Variants in RREB1 observed in about 807,000 individuals in gnomAD.
The protein encoded by RREB1 is ras-responsive element-binding protein 1.
A neutral mutation model predicts 117.8 loss-of-function variants in RREB1; 27 were observed. The ratio of observed to expected loss-of-function variants is 0.23; its 90% CI spans 0.17 to 0.32. The LOEUF (loss-of-function observed/expected upper bound fraction) is 0.32, where lower values mean the gene tolerates loss of function less well. RREB1 is among the 10% of genes least tolerant of loss of function. RREB1 has a pLI of 1.00. For missense variants in RREB1, 2,577 were observed against 2,378.2 expected (o/e 1.08, Z -1.74); for synonymous variants, 1,298 against 1,026.7 (o/e 1.26, Z -5.05).
At chr6:7,192,457 T>G (rs2113564121) in intron 6 of RREB1, among the ~76,000 whole-genome samples, 1 of 152,212 alleles carries the variant, frequency 6.6e-6, no homozygotes, top group Non-Finnish European at 1.5e-5. Flanking sequence ...CCTCCCAAAG[T>G]GCTGGGATTA....
chr6:7,224,491 G>A (rs1352870112), intron 8 of RREB1, among the ~76,000 whole-genome samples: 1 of 151,918 alleles, frequency 6.6e-6, no homozygotes, highest in African/African-American at 2.4e-5. Flanking sequence ...CATGGGGAGG[G>A]TGCAATTGAA....
In RREB1 at chr6:7,251,154, T is replaced by G. The variant is rs920201462; in HGVS notation, c.*2186T>G. On this transcript the variant is annotated 3_prime_UTR_variant, in exon 13 of 13. Transcript: ENST00000379938. Reference sequence around the variant, plus strand: ...ATCAGCTCCCAGCGACGTGTGTAGCTGGGGCTGCCGCTCGCAATAATCACT... The same window carrying G: ...ATCAGCTCCCAGCGACGTGTGTAGCGGGGGCTGCCGCTCGCAATAATCACT... 1.3e-5 allele frequency: 2 copies of G among 152,184 alleles called. No homozygotes were observed. The highest frequency in any genetic ancestry group is 1.3e-4 in the Admixed American group (2 of 15,276). 9.4% of individuals were successfully genotyped at this position (152,184 alleles called of 1,614,324 possible).
intron 6 of RREB1, among the ~76,000 whole-genome samples, chr6:7,197,147 AC>A (rs1289757095): frequency 6.6e-6 from 1 of 152,224 alleles, no homozygotes; most frequent in Non-Finnish European, 1.5e-5. Context: ...AAGAAATGAT[AC>A]TTGAAACAGA....
At chr6:7,143,439 G>A (rs1428117135) in intron 1 of RREB1, among the ~76,000 whole-genome samples, 2 of 152,188 alleles carry the variant, frequency 1.3e-5, no homozygotes, top group African/African-American at 2.4e-5. Flanking sequence ...AAACCAAGAA[G>A]GGTGTGGGGA....
chr6:7,243,082 T>C lies in RREB1; in HGVS notation c.3973+2480T>C, dbSNP rs375299894. 2.0e-5 allele frequency among the ~76,000 whole-genome samples: 3 copies of C among 152,306 alleles called. No homozygotes were observed. The East Asian group carries it at 5.8e-4, about 29-fold the overall frequency. ...TGAAAGTGTTTAAGCTCTCCCTTAA[T>C]GGTGGCCGCCTTTACCAGCCCAGAA... On this transcript the variant is annotated intron_variant, in intron 11 of 12. Transcript: ENST00000379938.
chr6:7,137,260 T>C (rs1264486823), intron 1 of RREB1, among the ~76,000 whole-genome samples: 1 of 152,052 alleles, frequency 6.6e-6, no homozygotes, highest in Admixed American at 6.5e-5. Flanking sequence ...GCCTCTCCCT[T>C]CCCCCCTGAG....
chr6:7,119,746 C>T (rs1035215575), intron 1 of RREB1, among the ~76,000 whole-genome samples: 5 of 152,300 alleles, frequency 3.3e-5, no homozygotes, highest in African/African-American at 1.2e-4. Flanking sequence ...ATGAGATTTG[C>T]ATTTTTAAAG....
intron 10 of RREB1, 54 bp downstream of exon 10, chr6:7,231,961 G>A (rs1324875416): frequency 2.0e-6 from 3 of 1,504,700 alleles, no homozygotes; most frequent in Admixed American, 4.2e-5. Context: ...GGTAGGGGGA[G>A]CCACGAGTGG....
chr6:7,118,272 C>T (rs886152090), intron 1 of RREB1, among the ~76,000 whole-genome samples: 5 of 152,124 alleles, frequency 3.3e-5, no homozygotes, highest in African/African-American at 1.2e-4. Flanking sequence ...AGGCGCATGC[C>T]ACCACACCTG....
chr6:7,236,894 T>TTG (rs1768366535), intron 10 of RREB1, among the ~76,000 whole-genome samples: 1 of 134,064 alleles, frequency 7.5e-6, no homozygotes, highest in South Asian at 2.5e-4. Flanking sequence ...GAGGTTTTTT[T>TTG]TTTTTTTTTT....
At chr6:7,202,008 G>A (rs955211501) in intron 6 of RREB1, among the ~76,000 whole-genome samples, 16 of 152,168 alleles carry the variant, frequency 1.1e-4, no homozygotes, top group African/African-American at 3.9e-4. Flanking sequence ...GGGCTCTGTC[G>A]CCTGGTTGGT....
chr6:7,181,983 C>A lies in RREB1; in HGVS notation c.72C>A (p.Val24=), dbSNP rs753716722. ...CCATCAACACCATGATGTCGGCGGT[C>A]ATGAGTGTAGGGAAGGTCACAGAGA... ...LSSINTMMSA[V]MSVGKVTENG... The change falls in exon 4 of 13, where the codon GTC becomes GTA. Residue 24 remains valine, a synonymous_variant. Coordinates refer to ENST00000379938, the MANE Select transcript of RREB1 (RefSeq NM_001003699.4). 11 of 1,614,088 alleles carry A rather than the reference C, an allele frequency of 6.8e-6. No individual in the cohort carries two copies. Among genetic ancestry groups the A allele is most frequent in the Admixed American group, 6.7e-5 (4 of 60,008 alleles).
chr6:7,159,183 AAAAC>A (rs1763529749), intron 1 of RREB1, among the ~76,000 whole-genome samples: 1 of 152,194 alleles, frequency 6.6e-6, no homozygotes, highest in South Asian at 2.1e-4. Context: ...TACTTATTGC[AAAAC>A]AAACATTCTC....
chr6:7,178,548 G>C (rs771566365), intron 2 of RREB1, among the ~76,000 whole-genome samples: 2 of 152,178 alleles, frequency 1.3e-5, no homozygotes, highest in Non-Finnish European at 2.9e-5. Flanking sequence ...CCTGCTCTGT[G>C]GTCCTGAAGG....
At chr6:7,117,065 C>G (rs1203061868) in intron 1 of RREB1, among the ~76,000 whole-genome samples, 1 of 152,084 alleles carries the variant, frequency 6.6e-6, no homozygotes, top group Non-Finnish European at 1.5e-5. Flanking sequence ...TCGTAGGATT[C>G]AAAACAGAAT....
Position 7,230,631 on chromosome 6 carries a change from C to T in RREB1, c.2532C>T (p.Arg844=), listed in dbSNP as rs775719538. 1.0e-5 allele frequency: 16 copies of T among 1,603,662 alleles called. No homozygotes were observed. In the Middle Eastern group the frequency reaches 5.0e-4, roughly 50 times the overall value. ...CGCCGGCCGCTGAGGCGTCGGGGCG[C>T]GGGGAGGACAGTGGCTGCGCTGCCC... ...AEAPAAEASG[R]GEDSGCAALG... Residue 844 remains arginine, a synonymous_variant, in exon 10 of 13, where the codon CGC becomes CGT. Transcript: ENST00000379938.
intron 1 of RREB1, among the ~76,000 whole-genome samples, chr6:7,170,496 G>A (rs183626934): frequency 1.6e-4 from 25 of 152,304 alleles, no homozygotes; most frequent in Admixed American, 1.3e-3. Context: ...CCTCCAAGGA[G>A]CTTTTCGGGA....
intron 10 of RREB1, among the ~76,000 whole-genome samples, chr6:7,236,738 T>G (rs1221613360): frequency 2.6e-5 from 4 of 151,860 alleles, no homozygotes; most frequent in Admixed American, 6.6e-5. Context: ...GTTCTGTTTT[T>G]TTTTTTTTTT....
In RREB1 at chr6:7,229,650, G is replaced by C; in HGVS notation, c.1551G>C (p.Thr517=). ...CAAAGCCCCTGGTCACACCACGGACGGTGGTGGCCACCTCCACGCCCCCGC... is the reference window on the plus strand; with the variant it reads ...CAAAGCCCCTGGTCACACCACGGACCGTGGTGGCCACCTCCACGCCCCCGC... ...LKPKPLVTPR[T]VVATSTPPPL... is the part of the protein sequence containing the mutation. The change falls in exon 10 of 13, where the codon ACG becomes ACC. Residue 517 remains threonine, a synonymous_variant. Transcript: ENST00000379938. This position sits in a 1 kb window ranked among gnomAD's most constrained non-coding sequence, Gnocchi z 4.5. 1 of 1,612,226 alleles carries C rather than the reference G, an allele frequency of 6.2e-7. No homozygotes were observed. Among genetic ancestry groups the C allele is most frequent in the African/African-American group, 1.3e-5 (1 of 74,970 alleles).
Sources: gnomAD v4.1 joint callset for allele counts (sites outside exome capture counted in the v4.1 genomes callset) on GRCh38, gnomAD v4.1.1 for gene constraint, Gnocchi (gnomAD v3.1) non-coding constraint, MANE v1.5 for transcripts, NCBI Gene and HGNC (gene_info 2026-07-23, HGNC 2026-07-21) for gene names.